The following VEZT variants were observed in gnomAD, a reference collection of about 807,000 sequenced individuals.
VEZT encodes vezatin.
VEZT carries 39 observed loss-of-function variants against 79.9 expected under a neutral mutation model. That is an observed-to-expected ratio of 0.49 (90% CI 0.38 to 0.64). The LOEUF (loss-of-function observed/expected upper bound fraction) is 0.64, where lower values mean the gene tolerates loss of function less well. VEZT is among the 30% of genes least tolerant of loss of function. VEZT has a pLI of 0.00. For missense variants in VEZT, 837 were observed against 893.1 expected, an observed-to-expected ratio of 0.94 and a Z score of 0.80; for synonymous variants, 325 against 327.6, an observed-to-expected ratio of 0.99 and a Z score of 0.09.
chr12:95,240,043 AG>A (rs1387066785), intron 1 of VEZT, among the ~76,000 whole-genome samples: 1,891 of 122,718 alleles, frequency 0.015, 54 homozygotes, highest in African/African-American at 0.05. Context: ...GAAGGAAGGA[AG>A]GAAGGAAGGA....
chr12:95,225,862 G>A (rs538847119), intron 1 of VEZT, among the ~76,000 whole-genome samples: 1 of 151,584 alleles, frequency 6.6e-6, no homozygotes, highest in Non-Finnish European at 1.5e-5. Flanking sequence ...GCCAGCAGTG[G>A]GGGGATCACT....
intron 1 of VEZT, among the ~76,000 whole-genome samples, chr12:95,251,220 A>G (rs2062552128): frequency 6.6e-6 from 1 of 152,186 alleles, no homozygotes; most frequent in East Asian, 1.9e-4. Flanking sequence ...CATGTTGGCC[A>G]GGCTGGTCTG....
At chr12:95,237,442 T>C (rs2137149443) in intron 1 of VEZT, among the ~76,000 whole-genome samples, 1 of 152,272 alleles carries the variant, frequency 6.6e-6, no homozygotes, top group South Asian at 2.1e-4. Context: ...TGGATCATCC[T>C]CCTGTGAGAA....
At chr12:95,269,936 A>C in intron 5 of VEZT, 115 bp from the exon 6 acceptor site, 3 of 1,247,434 alleles carry the variant, frequency 2.4e-6, no homozygotes, top group Non-Finnish European at 3.3e-6. Flanking sequence ...TCTAGTGAAG[A>C]TCATGAAAGA....
At chr12:95,223,586 G>C (rs1056828597) in intron 1 of VEZT, among the ~76,000 whole-genome samples, 11 of 152,108 alleles carry the variant, frequency 7.2e-5, no homozygotes, top group African/African-American at 2.7e-4. Context: ...GAGTAGCTGG[G>C]ATTACAGGCA....
chr12:95,283,567 A>C (rs1030262278), intron 8 of VEZT, among the ~76,000 whole-genome samples: 6 of 152,250 alleles, frequency 3.9e-5, no homozygotes, highest in African/African-American at 1.4e-4. Flanking sequence ...GACTTGATAC[A>C]TCAGCAAAAT....
chr12:95,282,821 A>G (rs532689224), intron 8 of VEZT, among the ~76,000 whole-genome samples, 177 bp downstream of exon 8: 44 of 152,258 alleles, frequency 2.9e-4, no homozygotes, highest in Admixed American at 2.0e-4. Context: ...TATAAGTACT[A>G]TAACTTGAGG....
At chr12:95,227,659 CAG>C (rs1457837651) in intron 1 of VEZT, among the ~76,000 whole-genome samples, 1 of 151,838 alleles carries the variant, frequency 6.6e-6, no homozygotes, top group African/African-American at 2.4e-5. Context: ...GTATTTTTTG[CAG>C]AGAGTGGGTT....
intron 3 of VEZT, among the ~76,000 whole-genome samples, chr12:95,261,886 G>T (rs903883323): frequency 6.6e-6 from 1 of 152,160 alleles, no homozygotes. Context: ...GGATGATAAG[G>T]TACATCACAG....
At chr12:95,237,829 C>T (rs1004863381) in intron 1 of VEZT, among the ~76,000 whole-genome samples, 2 of 151,986 alleles carry the variant, frequency 1.3e-5, no homozygotes, top group African/African-American at 4.8e-5. Flanking sequence ...TAGAGCTCTC[C>T]CTGAAGGATG....
At position 95,282,336 on chromosome 12, in the gene VEZT, A is replaced by G. The variant is rs983634818; in HGVS notation, c.1020A>G (p.Ala340=). Residue 340 remains alanine, a synonymous_variant, in exon 8 of 12, where the codon GCA becomes GCG. Coordinates refer to ENST00000436874, the MANE Select transcript of VEZT (RefSeq NM_017599.4). ...AGGTTTTGTTCCAACTCTGGGTGGC[A>G]CAGAGTTCAGAGTTCTTCAGACGGT... ...ALKVLFQLWV[A]QSSEFFRRLA... 1.2e-6 allele frequency: 2 copies of G among 1,612,246 alleles called. No individual in the cohort carries two copies. The highest frequency in any genetic ancestry group is 1.7e-6 in the Non-Finnish European group (2 of 1,179,328).
chr12:95,256,686 A>C (rs1267884957), intron 2 of VEZT: 5 of 915,476 alleles, frequency 5.5e-6, no homozygotes, highest in Non-Finnish European at 6.0e-6. Context: ...CAGTTTTTCT[A>C]AAATGGTCAA....
chr12:95,250,990 G>T (rs1158893842), intron 1 of VEZT, among the ~76,000 whole-genome samples: 1 of 152,054 alleles, frequency 6.6e-6, no homozygotes, highest in African/African-American at 2.4e-5. Flanking sequence ...GCAGAGTCGG[G>T]ATTTGAATCT....
chr12:95,219,733 C>T (rs947916436), intron 1 of VEZT, among the ~76,000 whole-genome samples: 5 of 152,160 alleles, frequency 3.3e-5, no homozygotes, highest in African/African-American at 1.2e-4. Flanking sequence ...AAGGTTATAC[C>T]AATTCCGGTT....
chr12:95,285,974 G>A (rs1303713044), intron 8 of VEZT, among the ~76,000 whole-genome samples: 5 of 132,320 alleles, frequency 3.8e-5, no homozygotes, highest in African/African-American at 5.5e-5. Flanking sequence ...CGCTCCCCCC[G>A]ACCCCTTCTT....
At chr12:95,241,053 TA>T (rs942732895) in intron 1 of VEZT, among the ~76,000 whole-genome samples, 10 of 152,188 alleles carry the variant, frequency 6.6e-5, no homozygotes, top group East Asian at 1.9e-4. Context: ...TTTTGTTTTT[TA>T]AGACGGAGTC....
At chr12:95,264,869 C>CTTTTTTTTTTTTTTTTT (rs71078693) in intron 4 of VEZT, among the ~76,000 whole-genome samples, 8 of 113,328 alleles carry the variant, frequency 7.1e-5, no homozygotes, top group Admixed American at 9.2e-5. Flanking sequence ...CTTTTCTTTT[C>CTTTTTTTTTTTTTTTTT]TTTTTTTTTT....
chr12:95,254,590 G>T (rs936261136), intron 2 of VEZT, among the ~76,000 whole-genome samples: 1 of 151,724 alleles, frequency 6.6e-6, no homozygotes, highest in African/African-American at 2.4e-5. Context: ...CAAGTGATCC[G>T]CCTACCTTGG....
intron 7 of VEZT, among the ~76,000 whole-genome samples, chr12:95,280,367 A>T (rs2068736014): frequency 6.6e-6 from 1 of 151,718 alleles, no homozygotes; most frequent in East Asian, 1.9e-4. Flanking sequence ...TGATTATCTC[A>T]TGGCTCACTT....
Sources: gnomAD v4.1 joint callset for allele counts (sites outside exome capture counted in the v4.1 genomes callset) on GRCh38, gnomAD v4.1.1 for gene constraint, MANE v1.5 for transcripts, NCBI Gene and HGNC (gene_info 2026-07-23, HGNC 2026-07-21) for gene names.